The following HNF4G variants were observed in gnomAD, a reference collection of about 807,000 sequenced individuals.
The protein encoded by HNF4G is hepatocyte nuclear factor 4 gamma, also known as hepatocyte nuclear factor 4-gamma.
HNF4G carries 21 observed loss-of-function variants against 50.9 expected under a neutral mutation model. The observed-to-expected ratio is 0.41, with a 90% CI of 0.29 to 0.59. HNF4G has a LOEUF of 0.59. Ranked by LOEUF, HNF4G falls within the 20% of genes least tolerant of loss-of-function variation. The pLI, the probability that HNF4G is intolerant of heterozygous loss-of-function variation, is 0.26. For synonymous variants in HNF4G, 198 were observed against 185.6 expected, an observed-to-expected ratio of 1.07 and a Z score of -0.54; for missense variants, 527 against 559.4, an observed-to-expected ratio of 0.94 and a Z score of 0.58.
At chr8:75,479,977 C>T (rs566335306) in intron 1 of HNF4G, among the ~76,000 whole-genome samples, 2 of 119,284 alleles carry the variant, frequency 1.7e-5, no homozygotes, top group Non-Finnish European at 3.2e-5. Flanking sequence ...GGAAAAACAA[C>T]CTTAACTTTT....
intron 1 of HNF4G, among the ~76,000 whole-genome samples, chr8:75,482,283 AT>A (rs1371709399): frequency 6.6e-6 from 1 of 152,082 alleles, no homozygotes; most frequent in Non-Finnish European, 1.5e-5. Context: ...ATTTGGGAGG[AT>A]TTTAATGGGA....
intron 2 of HNF4G, among the ~76,000 whole-genome samples, chr8:75,533,506 A>G (rs913398582): frequency 3.9e-5 from 6 of 151,980 alleles, no homozygotes; most frequent in African/African-American, 1.4e-4. Context: ...CTTGAGAGTG[A>G]TAATAGATTG....
At chr8:75,548,621 G>A (rs1366032606) in intron 3 of HNF4G, among the ~76,000 whole-genome samples, 1 of 152,138 alleles carries the variant, frequency 6.6e-6, no homozygotes, top group Non-Finnish European at 1.5e-5. Flanking sequence ...AGAAACAAAT[G>A]TATTGAACAC....
At chr8:75,553,293 T>A (rs1326956417) in intron 5 of HNF4G, 96 bp downstream of exon 5, 23 of 964,394 alleles carry the variant, frequency 2.4e-5, no homozygotes, top group Non-Finnish European at 2.2e-5. Context: ...ATATTCTATA[T>A]TACTGTATTT....
chr8:75,542,535 G>GA lies in HNF4G; in HGVS notation c.119-1256dup, dbSNP rs71567128. Among the ~76,000 whole-genome samples the GA allele has an allele frequency of 4.8e-3, 385 of 80,366 alleles. 1 individual carries two copies. The highest frequency in any genetic ancestry group is 0.014 in the South Asian group (30 of 2,108). 52.7% of individuals were successfully genotyped at this position (80,366 alleles called of 152,430 possible). A position where few individuals can be genotyped will look rare whatever the true frequency, so the allele number is the denominator to read the frequency against. On this transcript the variant is annotated intron_variant, in intron 1 of 9. Coordinates refer to ENST00000396423, the MANE Select transcript of HNF4G (RefSeq NM_004133.5). ...GATGAGAGTAGCCTTCAATGACGAC[G>GA]AAAAAAAAAAAAAAAAAAAAGACGG... is the stretch of plus-strand genomic sequence containing the variant.
At chr8:75,517,172 C>T (rs931047950) in intron 2 of HNF4G, among the ~76,000 whole-genome samples, 1 of 152,140 alleles carries the variant, frequency 6.6e-6, no homozygotes, top group Non-Finnish European at 1.5e-5. Flanking sequence ...GTATCAATTA[C>T]CTCCCATCGG....
chr8:75,534,654 C>T (rs1253190214), intron 2 of HNF4G, among the ~76,000 whole-genome samples: 1 of 151,838 alleles, frequency 6.6e-6, no homozygotes, highest in African/African-American at 2.4e-5. Context: ...ATAGTAGCAT[C>T]TTTCTAAACA....
chr8:75,559,260 AT>A (rs1301497911), intron 8 of HNF4G, among the ~76,000 whole-genome samples: 2 of 105,092 alleles, frequency 1.9e-5, no homozygotes, highest in African/African-American at 1.0e-4. Context: ...TCAAACCCCC[AT>A]TCGTTTTTTT....
At chr8:75,449,210 C>A (rs556720412) in intron 1 of HNF4G, among the ~76,000 whole-genome samples, 68 of 152,198 alleles carry the variant, frequency 4.5e-4, no homozygotes, top group Non-Finnish European at 7.5e-4. Flanking sequence ...CCTAGGGCAG[C>A]CATTGGCAAT....
chr8:75,558,664 G>T lies in HNF4G; in HGVS notation c.880G>T (p.Asp294Tyr), dbSNP rs1469984727. ...YACLKAIVFFDPDAKGLSDPV... is the reference protein window; with the variant it reads ...YACLKAIVFFYPDAKGLSDPV... The stretch of plus-strand genomic sequence containing the variant: ...TTGTTTAAAGGCAATTGTATTTTTT[G>T]ATCCAGGTTGGTTTTCAAAATTCCA... Residue 294 changes from aspartate (D) to tyrosine (Y), a missense_variant, in exon 7 of 10, where the codon GAT becomes TAT. By Grantham distance (160) the Asp-to-Tyr change is radical. Coordinates refer to ENST00000396423, the MANE Select transcript of HNF4G (RefSeq NM_004133.5). 1.2e-6 allele frequency: 2 copies of T among 1,610,240 alleles called. No individual in the cohort carries two copies. Among genetic ancestry groups the T allele is most frequent in the Non-Finnish European group, 1.7e-6 (2 of 1,178,998 alleles).
intron 1 of HNF4G, among the ~76,000 whole-genome samples, chr8:75,472,085 C>G (rs1812127974): frequency 6.6e-6 from 1 of 152,084 alleles, no homozygotes; most frequent in Non-Finnish European, 1.5e-5. Flanking sequence ...AGTCATATAT[C>G]CTATTGAAAG....
intron 2 of HNF4G, among the ~76,000 whole-genome samples, chr8:75,528,856 T>A (rs2130761627): frequency 6.6e-6 from 1 of 152,276 alleles, no homozygotes; most frequent in Non-Finnish European, 1.5e-5. Context: ...TGGGTAATTC[T>A]GAATAAAAGA....
At chr8:75,512,610 G>A (rs975234576) in intron 2 of HNF4G, among the ~76,000 whole-genome samples, 10 of 151,686 alleles carry the variant, frequency 6.6e-5, no homozygotes, top group African/African-American at 2.4e-4. Flanking sequence ...GACTACAGGC[G>A]CCAGCCAAGA....
intron 3 of HNF4G, among the ~76,000 whole-genome samples, chr8:75,549,406 T>C (rs1460185515): frequency 6.6e-6 from 1 of 152,150 alleles, no homozygotes; most frequent in Non-Finnish European, 1.5e-5. Context: ...ATTTTTTATC[T>C]CTGCATATGC....
intron 1 of HNF4G, 54 bp from the exon 2 acceptor site, chr8:75,543,757 T>C: frequency 1.4e-6 from 2 of 1,449,214 alleles, no homozygotes; most frequent in South Asian, 1.2e-5. Context: ...AGTAGGACAA[T>C]TTAGTCAGGA....
chr8:75,494,300 G>GCACACACA (rs755362411), intron 2 of HNF4G, among the ~76,000 whole-genome samples: 94 of 77,282 alleles, frequency 1.2e-3, no homozygotes, highest in East Asian at 0.012. Context: ...CTCCCATACA[G>GCACACACA]CACACACACA....
intron 5 of HNF4G, 77 bp downstream of exon 5, chr8:75,553,274 T>G (rs1354344073): frequency 9.0e-6 from 11 of 1,216,724 alleles, no homozygotes; most frequent in Non-Finnish European, 1.3e-5. Context: ...TCCATATTAT[T>G]TGTAATGCAT....
intron 2 of HNF4G, among the ~76,000 whole-genome samples, chr8:75,531,013 C>G (rs909578466): frequency 6.6e-6 from 1 of 151,918 alleles, no homozygotes; most frequent in Admixed American, 6.6e-5. Flanking sequence ...AGGCTGGTCT[C>G]GAACTCCTGA....
chr8:75,430,414 C>A (rs549163001), intron 1 of HNF4G, among the ~76,000 whole-genome samples: 1 of 150,094 alleles, frequency 6.7e-6, no homozygotes, highest in Admixed American at 6.7e-5. Flanking sequence ...GAATAGGATC[C>A]CTGAAAGACA....
Sources: allele counts gnomAD v4.1 joint callset (sites outside exome capture counted in the v4.1 genomes callset), GRCh38; gene constraint gnomAD v4.1.1; transcripts MANE v1.5; gene names NCBI Gene and HGNC (gene_info 2026-07-23, HGNC 2026-07-21).